ABCC12: variants seen among roughly 807,000 people sequenced by gnomAD.
ABCC12 encodes the protein ATP-binding cassette sub-family C member 12.
A neutral mutation model predicts 151.1 loss-of-function variants in ABCC12; 142 were observed. The ratio of observed to expected loss-of-function variants is 0.94; its 90% confidence interval spans 0.82 to 1.08. The LOEUF (loss-of-function observed/expected upper bound fraction) is 1.08, where lower values mean the gene tolerates loss of function less well. Among genes scored for constraint, ABCC12 ranks in the 50% least tolerant of loss-of-function variants. The pLI is 0.00. For synonymous variants in ABCC12, 645 were observed against 646.4 expected, an observed-to-expected ratio of 1.00 and a Z score of 0.03; for missense variants, 1,638 against 1,691.1, an observed-to-expected ratio of 0.97 and a Z score of 0.55.
In ABCC12 at chr16:48,138,296, T is replaced by TGCTTTGTCTGACCTCGCTTGTCAGA. The variant is rs776699559; in HGVS notation, c.910_911insTCTGACAAGCGAGGTCAGACAAAGC (p.Glu304ValfsTer2). 16 of 1,613,962 alleles carry TGCTTTGTCTGACCTCGCTTGTCAGA rather than the reference T, an allele frequency of 9.9e-6. No homozygotes were observed. In the African/African-American group the frequency reaches 1.7e-4, roughly 18 times the overall value. ...GATCAGCCTGATGCAGGTCAGAAAC[T>TGCTTTGTCTGACCTCGCTTGTCAGA]CATTCATTGTCTGAACTCGCTTGTC... On this transcript the variant is annotated stop_gained and frameshift_variant, in exon 8 of 31. Coordinates refer to ENST00000311303, the MANE Select transcript of ABCC12 (RefSeq NM_001393797.1). LOFTEE classifies it high-confidence loss of function.
intron 1 of ABCC12, 90 bp downstream of exon 1, chr16:48,155,751 G>C (rs947540730): frequency 3.3e-5 from 5 of 152,160 alleles, no homozygotes; most frequent in African/African-American, 1.2e-4. Flanking sequence ...AGCCTGTCCT[G>C]AGGATGAGAA....
At chr16:48,117,381 A>G in intron 13 of ABCC12, 48 bp from the exon 14 acceptor site, 1 of 1,597,338 alleles carries the variant, frequency 6.3e-7, no homozygotes, top group Non-Finnish European at 8.5e-7. Context: ...GACCCCAAGC[A>G]CTGCTGCCCT....
chr16:48,097,347 G>A (rs1354087784), intron 23 of ABCC12, among the ~76,000 whole-genome samples: 1 of 152,174 alleles, frequency 6.6e-6, no homozygotes, highest in African/African-American at 2.4e-5. Context: ...GGGTTGTGGA[G>A]GAGGTCACCT....
At chr16:48,101,242 T>C (rs956994539) in intron 22 of ABCC12, among the ~76,000 whole-genome samples, 11 of 152,204 alleles carry the variant, frequency 7.2e-5, no homozygotes, top group African/African-American at 2.7e-4. Flanking sequence ...GCCACGGTGC[T>C]GTGTTTCTCA....
At position 48,111,839 on chromosome 16, in the gene ABCC12, C is replaced by T. The variant is rs768897604; in HGVS notation, c.2061G>A (p.Glu687=). The change falls in exon 16 of 31, where the codon GAG becomes GAA. Residue 687 remains glutamate, a synonymous_variant. Transcript: ENST00000311303. ...CATAGCGCCCTCTCTCCTCCATTAA[C>T]TCCTTGTGGGTTCCCTTTTCACAAA... is the stretch of plus-strand genomic sequence containing the variant. ...GEICEKGTHK[E]LMEERGRYAK... 1.2e-5 allele frequency: 20 copies of T among 1,614,222 alleles called. No homozygotes were observed. In the East Asian group the frequency reaches 4.5e-4, roughly 36 times the overall value.
chr16:48,115,591 C>G lies in ABCC12; in HGVS notation c.1813G>C (p.Gly605Arg), dbSNP rs777274538. 6.2e-7 allele frequency: 1 copy of G among 1,613,888 alleles called. No homozygotes were observed. Among genetic ancestry groups the G allele is most frequent in the Non-Finnish European group, 8.5e-7 (1 of 1,179,954 alleles). Residue 605 changes from glycine to arginine, a missense_variant, in exon 15 of 31, where the codon GGG becomes CGG. By Grantham distance (125) the Gly-to-Arg change is moderately radical (BLOSUM62 -2). Transcript: ENST00000311303. Reference sequence around the variant, plus strand: ...AGGCTAATCCTCTGCCTCTGCCCCCCAGAGAGGTTGAGGCCCCGCTCCCCA... The same window carrying G: ...AGGCTAATCCTCTGCCTCTGCCCCCGAGAGAGGTTGAGGCCCCGCTCCCCA... ...EIGERGLNLS[G>R]GQRQRISLAR...
chr16:48,153,743 G>C lies in ABCC12; in HGVS notation c.-178C>G, dbSNP rs147556071. ...ACTGGAGGCCAGGCCTCCCTGGCCA[G>C]GTTTGAGTAATCAGCGCGCATAGGA... On this transcript the variant is annotated 5_prime_UTR_variant, in exon 2 of 31. Transcript: ENST00000311303. The C allele has an allele frequency of 6.6e-6, 1 of 152,322 alleles. No individual in the cohort carries two copies. The highest frequency in any genetic ancestry group is 1.9e-4 in the East Asian group (1 of 5,182). 9.4% of individuals were successfully genotyped at this position (152,322 alleles called of 1,614,324 possible).
At chr16:48,124,088 T>G in intron 12 of ABCC12, 125 bp downstream of exon 12, 1 of 1,054,310 alleles carries the variant, frequency 9.5e-7, no homozygotes, top group South Asian at 1.4e-5. Context: ...CAAAAATTAT[T>G]GTGAACCACA....
At position 48,081,032 on chromosome 16, in the gene ABCC12, G is replaced by T. The variant is rs1962322286; in HGVS notation, c.*2683C>A. On this transcript the variant is annotated 3_prime_UTR_variant, in exon 31 of 31. Coordinates refer to ENST00000311303, the MANE Select transcript of ABCC12 (RefSeq NM_001393797.1). ...CTCACATGGAGGAAGGGGTGAACAA[G>T]CTTCCCCAAGTCTCTTTTATAAGAG... 6.6e-6 allele frequency among the ~76,000 whole-genome samples: 1 copy of T among 152,102 alleles called. No individual in the cohort carries two copies. The highest frequency in any genetic ancestry group is 1.5e-5 in the Non-Finnish European group (1 of 68,026).
At position 48,133,811 on chromosome 16, in the gene ABCC12, A is replaced by C; in HGVS notation, c.1004T>G (p.Leu335Ter). The change falls in exon 9 of 31, where the codon TTA (leucine) becomes TGA (stop). Residue 335 changes from leucine (L) to a stop codon, truncating the protein, a stop_gained. Coordinates refer to ENST00000311303, the MANE Select transcript of ABCC12 (RefSeq NM_001393797.1). LOFTEE classifies it high-confidence loss of function. ...TTGGACAAATCCAGCTTTTTCCAGT[A>C]ATTTTCTTTCCCTCCTTCTTATATC... ...IQDIRRRERK[L>*]LEKAGFVQSG... 1.9e-6 allele frequency: 3 copies of C among 1,614,062 alleles called. No homozygotes were observed. The highest frequency in any genetic ancestry group is 2.5e-6 in the Non-Finnish European group (3 of 1,179,994).
chr16:48,106,081 A>G (rs1963483138), intron 20 of ABCC12, among the ~76,000 whole-genome samples: 1 of 152,252 alleles, frequency 6.6e-6, no homozygotes, highest in Non-Finnish European at 1.5e-5. Flanking sequence ...GTGTACTAAA[A>G]GTCAAGACTG....
At chr16:48,126,144 T>C (rs970539031) in intron 11 of ABCC12, among the ~76,000 whole-genome samples, 1 of 152,176 alleles carries the variant, frequency 6.6e-6, no homozygotes, top group Non-Finnish European at 1.5e-5. Flanking sequence ...TCCTGCCTCA[T>C]GAAATGAAGC....
At chr16:48,105,880 A>G (rs1963476897) in intron 20 of ABCC12, among the ~76,000 whole-genome samples, 1 of 152,076 alleles carries the variant, frequency 6.6e-6, no homozygotes, top group Non-Finnish European at 1.5e-5. Flanking sequence ...GGTAACAGAG[A>G]GGGTGCTGGG....
At chr16:48,122,133 G>A (rs1222997310) in intron 12 of ABCC12, among the ~76,000 whole-genome samples, 3 of 152,224 alleles carry the variant, frequency 2.0e-5, no homozygotes, top group Non-Finnish European at 2.9e-5. Flanking sequence ...CATGGCACCT[G>A]GGCCCAACTA....
intron 13 of ABCC12, among the ~76,000 whole-genome samples, chr16:48,120,112 T>C (rs774205662): frequency 2.0e-5 from 3 of 152,194 alleles, no homozygotes; most frequent in Non-Finnish European, 4.4e-5. Flanking sequence ...AAAGAAAATG[T>C]GGTATATATA....
chr16:48,125,540 C>G lies in ABCC12; in HGVS notation c.1516-1256G>C, dbSNP rs149122923. On this transcript the variant is annotated intron_variant, in intron 11 of 30. Coordinates refer to ENST00000311303, the MANE Select transcript of ABCC12 (RefSeq NM_001393797.1). ...GACGTGAAGGAGGTGAGGAAGGGTG[C>G]CATGGGGTATCTGGGGAGAATCATT... Among the ~76,000 whole-genome samples the G allele has an allele frequency of 1.7e-3, 254 of 152,234 alleles. 1 individual carries two copies. In the Middle Eastern group the frequency reaches 0.024, roughly 14 times the overall value.
rs777609842 is a variant in ABCC12, at chr16:48,121,764, C to A, written c.1664G>T (p.Gly555Val). The change falls in exon 13 of 31, where the codon GGA becomes GTA. Residue 555 changes from glycine (G) to valine (V), a missense_variant. Physicochemically the swap from Gly to Val is moderately radical, Grantham distance 109 (BLOSUM62 -3). Transcript: ENST00000311303. Reference protein sequence around the residue: ...YVSQQAWIFHGNVRENILFGE... With the variant: ...YVSQQAWIFHVNVRENILFGE... ...AAAGAGTATGTTTTCTCTCACATTTCCATGAAAGATCCATGCCTGCTGTGA... is the reference window on the plus strand; with the variant it reads ...AAAGAGTATGTTTTCTCTCACATTTACATGAAAGATCCATGCCTGCTGTGA... 4 of 1,614,180 alleles carry A rather than the reference C, an allele frequency of 2.5e-6. No individual in the cohort carries two copies. In the Admixed American group the frequency reaches 6.7e-5, roughly 27 times the overall value.
rs115975184 is a variant in ABCC12, at chr16:48,114,857, A to G, written c.1989+558T>C. Among the ~76,000 whole-genome samples, 1,235 of 152,284 alleles carry G rather than the reference A, an allele frequency of 8.1e-3. 18 individuals are homozygous for G. The highest frequency in any genetic ancestry group is 0.028 in the African/African-American group (1,183 of 41,550). ...AAGCCCAGTCGCTTTCTTCAGTGAG[A>G]TTCATGCTCCTTAGCCTGAGACAGT... is the stretch of plus-strand genomic sequence containing the variant. On this transcript the variant is annotated intron_variant, in intron 15 of 30. Transcript: ENST00000311303.
chr16:48,088,844 G>C, intron 25 of ABCC12, 110 bp from the exon 26 acceptor site: 1 of 918,458 alleles, frequency 1.1e-6, no homozygotes, highest in Non-Finnish European at 1.6e-6. Context: ...TCATGGTGGT[G>C]AAATAAACCA....
Sources: allele counts gnomAD v4.1 joint callset (sites outside exome capture counted in the v4.1 genomes callset), GRCh38; gene constraint gnomAD v4.1.1; transcripts MANE v1.5; gene names NCBI Gene and HGNC (gene_info 2026-07-23, HGNC 2026-07-21).